The following HNMT variants were observed in gnomAD, a reference collection of about 807,000 sequenced individuals.
The protein encoded by HNMT is histamine N-methyltransferase.
In HNMT, 30 loss-of-function variants were observed where a neutral mutation model predicts 32.1. That is an observed-to-expected ratio of 0.93 (90% CI 0.70 to 1.27). The LOEUF (loss-of-function observed/expected upper bound fraction) is 1.27, where lower values mean the gene tolerates loss of function less well. Among genes scored for constraint, HNMT ranks in the 50% most tolerant of loss-of-function variants. The pLI is 0.00. For synonymous variants in HNMT, 125 were observed against 119.0 expected, an observed-to-expected ratio of 1.05 and a Z score of -0.33; for missense variants, 327 against 346.0, an observed-to-expected ratio of 0.95 and a Z score of 0.43.
intron 2 of HNMT, among the ~76,000 whole-genome samples, chr2:137,996,725 G>A (rs887217114): frequency 4.6e-5 from 7 of 152,094 alleles, no homozygotes; most frequent in African/African-American, 1.7e-4. Context: ...ACAATCCTAA[G>A]CAAAAGGAGC....
chr2:137,972,939 A>G (rs191549898), intron 2 of HNMT, among the ~76,000 whole-genome samples: 1 of 152,354 alleles, frequency 6.6e-6, no homozygotes, highest in African/African-American at 2.4e-5. Context: ...GAGTCCTTAC[A>G]TAAAGGTGCA....
Position 138,013,842 on chromosome 2 carries a change from G to A in HNMT, c.591G>A (p.Gln197=). The change falls in exon 6 of 6, where the codon CAG becomes CAA. Residue 197 remains glutamine, a synonymous_variant. Coordinates refer to ENST00000280097, the MANE Select transcript of HNMT (RefSeq NM_006895.3). ...GCTTTCCCCAGGATGACCTCTGCCA[G>A]TATATCACATCAGATGACCTCACTC... The part of the protein sequence containing the change: ...GSRFPQDDLC[Q]YITSDDLTQM... The A allele has an allele frequency of 6.2e-7, 1 of 1,613,744 alleles. No homozygotes were observed. Among genetic ancestry groups the A allele is most frequent in the South Asian group, 1.1e-5 (1 of 91,064 alleles).
intron 2 of HNMT, among the ~76,000 whole-genome samples, chr2:137,996,533 A>T (rs989873703): frequency 5.3e-5 from 8 of 152,232 alleles, no homozygotes; most frequent in African/African-American, 1.9e-4. Context: ...GATGCAATCA[A>T]ATGGAAAAAC....
At chr2:137,998,289 C>A (rs1009889982) in intron 2 of HNMT, among the ~76,000 whole-genome samples, 2 of 152,020 alleles carry the variant, frequency 1.3e-5, no homozygotes, top group Non-Finnish European at 2.9e-5. Context: ...ATGCATTGAA[C>A]AAATTTCTCA....
At chr2:137,981,017 T>C (rs1167564589) in intron 2 of HNMT, among the ~76,000 whole-genome samples, 1 of 152,152 alleles carries the variant, frequency 6.6e-6, no homozygotes. Context: ...TCGCTCTTCC[T>C]AGAAACCATT....
intron 2 of HNMT, 38 bp downstream of exon 2, chr2:137,970,255 T>C: frequency 8.4e-7 from 1 of 1,183,964 alleles, no homozygotes; most frequent in Admixed American, 2.1e-5. Context: ...TATTTCACTT[T>C]AACCATTATG....
At chr2:138,003,263 C>T (rs894255778) in intron 4 of HNMT, among the ~76,000 whole-genome samples, 1 of 151,942 alleles carries the variant, frequency 6.6e-6, no homozygotes. Context: ...AAGGGAGTGA[C>T]TATTGAGTAG....
intron 2 of HNMT, among the ~76,000 whole-genome samples, chr2:137,980,768 T>C (rs1250309919): frequency 6.6e-6 from 1 of 152,180 alleles, no homozygotes; most frequent in Non-Finnish European, 1.5e-5. Flanking sequence ...CTTGAAACTC[T>C]ACAGCTATTT....
intron 5 of HNMT, among the ~76,000 whole-genome samples, chr2:138,010,776 C>G (rs956269670): frequency 2.0e-5 from 3 of 151,876 alleles, no homozygotes; most frequent in Admixed American, 6.6e-5. Flanking sequence ...GATATAAGAA[C>G]AAGAGAGTTG....
intron 5 of HNMT, among the ~76,000 whole-genome samples, chr2:138,012,094 G>T (rs1329201099): frequency 2.6e-5 from 4 of 152,068 alleles, no homozygotes; most frequent in African/African-American, 9.7e-5. Context: ...TTAGTCTCAA[G>T]AATGCAATCA....
At chr2:138,005,286 C>A in intron 5 of HNMT, 61 bp downstream of exon 5, 1 of 899,320 alleles carries the variant, frequency 1.1e-6, no homozygotes, top group Non-Finnish European at 1.8e-6. Flanking sequence ...TGCATGGATT[C>A]CTGTGTTTGA....
chr2:137,980,914 A>G (rs182713110), intron 2 of HNMT, among the ~76,000 whole-genome samples: 30 of 152,276 alleles, frequency 2.0e-4, no homozygotes, highest in Admixed American at 1.8e-3. Flanking sequence ...TCTGTCTTTC[A>G]TATTGCAGTT....
intron 2 of HNMT, among the ~76,000 whole-genome samples, chr2:137,975,267 G>C (rs1028938925): frequency 5.3e-5 from 8 of 152,142 alleles, no homozygotes; most frequent in Admixed American, 1.3e-4. Flanking sequence ...AGGGGGAAGA[G>C]CAGCAGGAGA....
At chr2:137,964,703 C>A in intron 1 of HNMT, 75 bp downstream of exon 1, 1 of 1,475,236 alleles carries the variant, frequency 6.8e-7, no homozygotes, top group African/African-American at 1.4e-5. Context: ...GGGTCTCGCT[C>A]AGCCTCGCAG....
At position 138,016,086 on chromosome 2, in the gene HNMT, C is replaced by T. The variant is rs1175110383; in HGVS notation, c.*1956C>T. 1.3e-5 allele frequency: 2 copies of T among 152,000 alleles called. No individual in the cohort carries two copies. Among genetic ancestry groups the T allele is most frequent in the Non-Finnish European group, 1.5e-5 (1 of 67,986 alleles). 9.4% of individuals were successfully genotyped at this position (152,000 alleles called of 1,614,324 possible). ...TTTCTTCCTGCACTGTATGATAATA[C>T]CAAAATTTGGGACAGTCACATACTA... On this transcript the variant is annotated 3_prime_UTR_variant, in exon 6 of 6. Transcript: ENST00000280097.
chr2:137,964,756 C>G (rs1252756750), intron 1 of HNMT, 128 bp downstream of exon 1: 3 of 865,366 alleles, frequency 3.5e-6, no homozygotes, highest in African/African-American at 1.7e-5. Context: ...AGCAGCTCCC[C>G]GTCGTCCCCT....
intron 1 of HNMT, among the ~76,000 whole-genome samples, chr2:137,969,124 C>T (rs542790478): frequency 1.3e-5 from 2 of 152,284 alleles, no homozygotes; most frequent in African/African-American, 4.8e-5. Context: ...CACTCTGCTG[C>T]TTTTGCCATG....
intron 2 of HNMT, among the ~76,000 whole-genome samples, chr2:137,978,106 C>G (rs375455631): frequency 5.9e-5 from 9 of 151,858 alleles, no homozygotes; most frequent in East Asian, 3.9e-4. Context: ...CATCAGAGAT[C>G]AAGAGTCTTA....
chr2:137,972,746 C>T (rs1345482999), intron 2 of HNMT, among the ~76,000 whole-genome samples: 1 of 152,176 alleles, frequency 6.6e-6, no homozygotes, highest in African/African-American at 2.4e-5. Flanking sequence ...ATGAGACTAT[C>T]ATTTGATAGT....
Sources: allele counts gnomAD v4.1 joint callset (sites outside exome capture counted in the v4.1 genomes callset), GRCh38; gene constraint gnomAD v4.1.1; transcripts MANE v1.5; gene names NCBI Gene and HGNC (gene_info 2026-07-23, HGNC 2026-07-21).